Variants in XNDC1N observed in about 807,000 individuals in gnomAD.
XNDC1N encodes protein XNDC1N.
chr11:71,924,724 C>G, the XNDC1N span, among the ~76,000 whole-genome samples: 1 of 152,026 alleles, frequency 6.6e-6, no homozygotes, highest in Non-Finnish European at 1.5e-5. Flanking sequence ...GGTATTTGTA[C>G]TTCGTGTTTT....
At chr11:71,901,376 A>T in the XNDC1N span, among the ~76,000 whole-genome samples, 1 of 152,124 alleles carries the variant, frequency 6.6e-6, no homozygotes, top group African/African-American at 2.4e-5. Context: ...AGGCAGGCGA[A>T]TCACAAGGTC....
At chr11:71,875,861 A>G in the XNDC1N span, among the ~76,000 whole-genome samples, 4 of 152,076 alleles carry the variant, frequency 2.6e-5, no homozygotes, top group African/African-American at 7.2e-5. Context: ...CTTCATCTCT[A>G]CCAAAAATAG....
At chr11:71,918,912 C>G in the XNDC1N span, 1 of 702,784 alleles carries the variant, frequency 1.4e-6, no homozygotes, top group Non-Finnish European at 2.6e-6. Flanking sequence ...GTGGGCACTG[C>G]CCTCTCCAGC....
At chr11:71,922,061 G>A in the XNDC1N span, among the ~76,000 whole-genome samples, 1 of 152,092 alleles carries the variant, frequency 6.6e-6, no homozygotes, top group Non-Finnish European at 1.5e-5. Flanking sequence ...ACAGGAGGCT[G>A]AGGCAGGAGA....
the XNDC1N span, among the ~76,000 whole-genome samples, chr11:71,919,729 T>G: frequency 2.0e-5 from 3 of 150,770 alleles, no homozygotes. Context: ...ACCATTCTCC[T>G]GCCTCAGCCT....
chr11:71,875,745 C>CA, the XNDC1N span, among the ~76,000 whole-genome samples: 14,599 of 152,146 alleles, frequency 0.096, 1,351 homozygotes, highest in African/African-American at 0.25. Context: ...AAGCTGGCAG[C>CA]GCCGGGCACG....
chr11:71,867,267 T>A, the XNDC1N span, among the ~76,000 whole-genome samples: 10 of 152,124 alleles, frequency 6.6e-5, no homozygotes, highest in African/African-American at 2.4e-4. Flanking sequence ...GATGGCTAAG[T>A]AGAAGGTCCC....
the XNDC1N span, among the ~76,000 whole-genome samples, chr11:71,886,608 T>C: frequency 2.0e-5 from 3 of 152,184 alleles, no homozygotes; most frequent in Non-Finnish European, 2.9e-5. Context: ...CTATCGTATG[T>C]ATACTCCCTT....
chr11:71,881,418 C>T, the XNDC1N span, among the ~76,000 whole-genome samples: 1 of 152,120 alleles, frequency 6.6e-6, no homozygotes. Context: ...CATTTTCTCA[C>T]AGTTCTGGAA....
chr11:71,903,269 G>A, the XNDC1N span: 35,729 of 1,243,936 alleles, frequency 0.029, 226 homozygotes, highest in East Asian at 0.064. Flanking sequence ...GCAGCCGGTC[G>A]TCGCTGGGCT....
chr11:71,898,049 T>C, the XNDC1N span, among the ~76,000 whole-genome samples: 1 of 152,040 alleles, frequency 6.6e-6, no homozygotes, highest in Non-Finnish European at 1.5e-5. Context: ...ACGAGCGTGG[T>C]GGCGTGTGCC....
At chr11:71,876,937 G>A in the XNDC1N span, among the ~76,000 whole-genome samples, 2 of 152,304 alleles carry the variant, frequency 1.3e-5, no homozygotes, top group African/African-American at 4.8e-5. Context: ...GAGTTTCTAG[G>A]GTGCTGGCAG....
chr11:71,874,386 G>A, the XNDC1N span, among the ~76,000 whole-genome samples: 1 of 152,184 alleles, frequency 6.6e-6, no homozygotes, highest in African/African-American at 2.4e-5. Flanking sequence ...CTAATGGGTT[G>A]TAATTATTAA....
chr11:71,905,915 G>A, the XNDC1N span, among the ~76,000 whole-genome samples: 19 of 151,952 alleles, frequency 1.3e-4, no homozygotes, highest in African/African-American at 4.4e-4. Context: ...CTATCAGATT[G>A]CAAATAATAC....
chr11:71,896,495 A>C, the XNDC1N span, among the ~76,000 whole-genome samples: 28 of 152,322 alleles, frequency 1.8e-4, no homozygotes, highest in Admixed American at 1.7e-3. Context: ...CTTTGGTAAG[A>C]AGCTTCCTAA....
At chr11:71,901,662 G>T in the XNDC1N span, among the ~76,000 whole-genome samples, 1 of 151,956 alleles carries the variant, frequency 6.6e-6, no homozygotes, top group African/African-American at 2.4e-5. Context: ...TGGAAGACCA[G>T]GAAGTATAGT....
At chr11:71,923,757 G>A in the XNDC1N span, among the ~76,000 whole-genome samples, 3 of 152,108 alleles carry the variant, frequency 2.0e-5, no homozygotes, top group South Asian at 4.2e-4. Context: ...GAGTTTCACC[G>A]TGTTAGCCAG....
chr11:71,895,158 A>T, the XNDC1N span, among the ~76,000 whole-genome samples: 1 of 151,832 alleles, frequency 6.6e-6, no homozygotes, highest in African/African-American at 2.4e-5. Flanking sequence ...GGTTCCAATA[A>T]TGAAGTTTTT....
At chr11:71,878,372 C>T in the XNDC1N span, 2 of 1,504,892 alleles carry the variant, frequency 1.3e-6, no homozygotes, top group Non-Finnish European at 1.8e-6. Flanking sequence ...AGCAACTCAC[C>T]TCTTCAGAGG....
Sources: allele counts gnomAD v4.1 joint callset (sites outside exome capture counted in the v4.1 genomes callset), GRCh38; gene constraint gnomAD v4.1.1; transcripts MANE v1.5; gene names NCBI Gene and HGNC (gene_info 2026-07-23, HGNC 2026-07-21).